The following KCNIP4 variants were observed in gnomAD, a reference collection of about 807,000 sequenced individuals.
KCNIP4 encodes potassium voltage-gated channel interacting protein 4, also known as Kv channel-interacting protein 4.
Under a neutral mutation model 34.0 loss-of-function variants are expected in KCNIP4, and 12 were observed. That is an observed-to-expected ratio of 0.35 (90% CI 0.23 to 0.57). The LOEUF is 0.57. Among genes scored for constraint, KCNIP4 ranks in the 20% least tolerant of loss-of-function variants. The pLI is 0.83. For missense variants in KCNIP4, 238 were observed against 311.7 expected, an observed-to-expected ratio of 0.76 and a Z score of 1.78; for synonymous variants, 124 against 102.2, an observed-to-expected ratio of 1.21 and a Z score of -1.29.
At chr4:21,513,748 G>T (rs959153399) in intron 1 of KCNIP4, among the ~76,000 whole-genome samples, 1 of 152,010 alleles carries the variant, frequency 6.6e-6, no homozygotes, top group African/African-American at 2.4e-5. Context: ...CTCTTTCAAC[G>T]TTGCTACTTT....
rs145202277 is a variant in KCNIP4, at chr4:21,488,309, T to A, written c.61+460262A>T. ...CTCCCATATTCACCATCCATTTATT[T>A]AATTGTTCGATTCCAGTATACATCT... On this transcript the variant is annotated intron_variant, in intron 1 of 8. Transcript: ENST00000382152. Among the ~76,000 whole-genome samples the A allele has an allele frequency of 1.2e-3, 183 of 152,278 alleles. 2 individuals carry two copies. Among genetic ancestry groups the A allele is most frequent in the African/African-American group, 4.2e-3 (175 of 41,564 alleles).
intron 1 of KCNIP4, among the ~76,000 whole-genome samples, chr4:21,345,110 G>T (rs964700838): frequency 4.6e-5 from 7 of 152,136 alleles, no homozygotes; most frequent in African/African-American, 1.7e-4. Flanking sequence ...TCACTTCTGA[G>T]TTTAGGTTAT....
chr4:21,062,529 CAT>C (rs1491318390), intron 1 of KCNIP4, among the ~76,000 whole-genome samples: 16 of 123,954 alleles, frequency 1.3e-4, no homozygotes, highest in African/African-American at 4.3e-4. Context: ...TGTGTGTGTG[CAT>C]GTGTGTGTGT....
At chr4:21,104,555 T>G (rs1748301753) in intron 1 of KCNIP4, among the ~76,000 whole-genome samples, 1 of 152,182 alleles carries the variant, frequency 6.6e-6, no homozygotes, top group Non-Finnish European at 1.5e-5. Flanking sequence ...GCCTGTTCAC[T>G]CTGATGGTAG....
At chr4:21,308,819 A>G (rs1470443449) in intron 1 of KCNIP4, among the ~76,000 whole-genome samples, 1 of 152,074 alleles carries the variant, frequency 6.6e-6, no homozygotes, top group Non-Finnish European at 1.5e-5. Context: ...TCTGCAATGC[A>G]TTCTCACGTA....
chr4:21,066,463 T>A (rs1297157774), intron 1 of KCNIP4, among the ~76,000 whole-genome samples: 3 of 152,138 alleles, frequency 2.0e-5, no homozygotes, highest in African/African-American at 4.8e-5. Flanking sequence ...AAAGAGGCAC[T>A]GAAGAGGGTA....
rs146794750 is a variant in KCNIP4 at position 21,060,727 on chromosome 4, A to G, written c.62-178018T>C. Among the ~76,000 whole-genome samples, 1,421 of 152,306 alleles carry G rather than the reference A, an allele frequency of 9.3e-3. 7 individuals carry two copies. The highest frequency in any genetic ancestry group is 0.013 in the Non-Finnish European group (899 of 68,018). ...AATGCAAGCATCTAGCTAAGTACTC[A>G]GAGTCCTGAAGAGATTGCTGAAGCA... is the stretch of plus-strand genomic sequence containing the variant. On this transcript the variant is annotated intron_variant, in intron 1 of 8. Coordinates refer to ENST00000382152, the MANE Select transcript of KCNIP4 (RefSeq NM_025221.6).
intron 1 of KCNIP4, among the ~76,000 whole-genome samples, chr4:21,692,316 T>C (rs1005984849): frequency 1.3e-5 from 2 of 152,360 alleles, no homozygotes; most frequent in East Asian, 1.9e-4. Flanking sequence ...ATAAGTGTTT[T>C]GTTTGTTTAA....
At chr4:21,128,217 G>A (rs80292136) in intron 1 of KCNIP4, among the ~76,000 whole-genome samples, 1 of 152,174 alleles carries the variant, frequency 6.6e-6, no homozygotes, top group East Asian at 1.9e-4. Flanking sequence ...GAGAGTAAAA[G>A]GGAAAGTCAA....
intron 1 of KCNIP4, among the ~76,000 whole-genome samples, chr4:21,034,001 T>C (rs1036098539): frequency 2.0e-5 from 3 of 152,240 alleles, no homozygotes; most frequent in African/African-American, 7.2e-5. Context: ...TATATACACA[T>C]AATTACATGA....
intron 1 of KCNIP4, among the ~76,000 whole-genome samples, chr4:21,091,478 G>T (rs183588073): frequency 2.9e-4 from 44 of 152,242 alleles, no homozygotes; most frequent in African/African-American, 1.0e-3. Flanking sequence ...TTGAATTCTG[G>T]TTTCTCATTT....
At chr4:21,367,865 A>C (rs148677110) in intron 1 of KCNIP4, among the ~76,000 whole-genome samples, 2 of 147,676 alleles carry the variant, frequency 1.4e-5, no homozygotes, top group Non-Finnish European at 2.9e-5. Context: ...ACATCTTTCC[A>C]TGTCTGCTGT....
chr4:21,916,699 T>C (rs1215434249), intron 1 of KCNIP4, among the ~76,000 whole-genome samples: 1 of 152,224 alleles, frequency 6.6e-6, no homozygotes, highest in Non-Finnish European at 1.5e-5. Context: ...TGAATGCTAT[T>C]CTGGGAAAAA....
At chr4:20,886,521 C>T (rs114259443) in intron 1 of KCNIP4, among the ~76,000 whole-genome samples, 1,815 of 152,218 alleles carry the variant, frequency 0.012, 33 homozygotes, top group African/African-American at 0.041. Flanking sequence ...CAAGGCTTCC[C>T]AATGCTTAGC....
intron 1 of KCNIP4, among the ~76,000 whole-genome samples, chr4:21,226,354 A>AAGGAAGGAAGGAAGGAAG (rs1758398619): frequency 2.2e-5 from 3 of 135,832 alleles, no homozygotes; most frequent in African/African-American, 6.3e-5. Context: ...GAGAAGGAAG[A>AAGGAAGGAAGGAAGGAAG]GAAGGAAGGA....
At chr4:20,991,656 C>T (rs2149706528) in intron 1 of KCNIP4, among the ~76,000 whole-genome samples, 1 of 152,290 alleles carries the variant, frequency 6.6e-6, no homozygotes, top group Admixed American at 6.5e-5. Flanking sequence ...CGTGGTCCAC[C>T]AGTCTATGCG....
At position 21,438,929 on chromosome 4, in the gene KCNIP4, G is replaced by A. The variant is rs950696224; in HGVS notation, c.61+509642C>T. On this transcript the variant is annotated intron_variant, in intron 1 of 8. Coordinates refer to ENST00000382152, the MANE Select transcript of KCNIP4 (RefSeq NM_025221.6). ...TGTAATCCCAGCACTTTGGGAGGCC[G>A]AGGTGGGCAGATCACGAGGTCAGGA... is the stretch of plus-strand genomic sequence containing the variant. Among the ~76,000 whole-genome samples, 6 of 152,234 alleles carry A rather than the reference G, an allele frequency of 3.9e-5. No homozygotes were observed. In the East Asian group the frequency reaches 5.8e-4, roughly 15 times the overall value.
At position 21,320,722 on chromosome 4, in the gene KCNIP4, G is replaced by C. The variant is rs7678390; in HGVS notation, c.62-438013C>G. Among the ~76,000 whole-genome samples, 835 of 152,146 alleles carry C rather than the reference G, an allele frequency of 5.5e-3. 8 individuals are homozygous for C. The highest frequency in any genetic ancestry group is 0.02 in the African/African-American group (813 of 41,504). ...GCGGTGGCTCATGCCTGTAATCTCAGCACTTTGGGAGACCAAGGCGGGTGG... is the reference window on the plus strand; with the variant it reads ...GCGGTGGCTCATGCCTGTAATCTCACCACTTTGGGAGACCAAGGCGGGTGG... On this transcript the variant is annotated intron_variant, in intron 1 of 8. Transcript: ENST00000382152.
At chr4:21,709,491 T>C (rs564353605) in intron 1 of KCNIP4, among the ~76,000 whole-genome samples, 1 of 152,306 alleles carries the variant, frequency 6.6e-6, no homozygotes, top group East Asian at 1.9e-4. Flanking sequence ...GTTGTCACAT[T>C]GTCTCAGTTA....
Sources: allele counts gnomAD v4.1 joint callset (sites outside exome capture counted in the v4.1 genomes callset), GRCh38; gene constraint gnomAD v4.1.1; transcripts MANE v1.5; gene names NCBI Gene and HGNC (gene_info 2026-07-23, HGNC 2026-07-21).